Variants in CDH18 observed in about 807,000 individuals in gnomAD.
The protein encoded by CDH18 is cadherin 18.
CDH18 carries 31 observed loss-of-function variants against 67.9 expected under a neutral mutation model. The ratio of observed to expected loss-of-function variants is 0.46; its 90% CI spans 0.34 to 0.62. The LOEUF is 0.62. CDH18 is among the 20% of genes least tolerant of loss of function. The probability of loss-of-function intolerance (pLI) is 0.01; values close to 1 mark genes in which losing one functional copy is unlikely to be tolerated. For synonymous variants in CDH18, 362 were observed against 347.2 expected, an observed-to-expected ratio of 1.04 and a Z score of -0.48; for missense variants, 890 against 975.5, an observed-to-expected ratio of 0.91 and a Z score of 1.17.
At chr5:19,634,730 G>T (rs1299446559) in intron 5 of CDH18, among the ~76,000 whole-genome samples, 1 of 151,970 alleles carries the variant, frequency 6.6e-6, no homozygotes, top group Non-Finnish European at 1.5e-5. Context: ...CTGAGGTTGG[G>T]AGTTCGAGAC....
At chr5:19,649,851 A>T (rs1260473461) in intron 5 of CDH18, among the ~76,000 whole-genome samples, 1 of 151,752 alleles carries the variant, frequency 6.6e-6, no homozygotes, top group East Asian at 1.9e-4. Context: ...CTTTTTTTCT[A>T]CAGAATGGGT....
At chr5:20,535,378 C>T (rs1756653642) in intron 1 of CDH18, among the ~76,000 whole-genome samples, 1 of 152,022 alleles carries the variant, frequency 6.6e-6, no homozygotes, top group Admixed American at 6.6e-5. Flanking sequence ...CCCTCTGTTG[C>T]CCAATCTCTG....
intron 2 of CDH18, among the ~76,000 whole-genome samples, chr5:19,977,665 A>G (rs1798624766): frequency 6.6e-6 from 1 of 151,948 alleles, no homozygotes; most frequent in Non-Finnish European, 1.5e-5. Context: ...TATTAGCCAA[A>G]TTTAATTAAT....
At chr5:19,544,869 A>G (rs919422704) in intron 8 of CDH18, among the ~76,000 whole-genome samples, 1 of 152,190 alleles carries the variant, frequency 6.6e-6, no homozygotes, top group Admixed American at 6.5e-5. Context: ...AAATGTGCAG[A>G]TGCACGATGG....
intron 8 of CDH18, among the ~76,000 whole-genome samples, chr5:19,556,272 A>G (rs1157862324): frequency 6.6e-6 from 1 of 152,200 alleles, no homozygotes; most frequent in Non-Finnish European, 1.5e-5. Flanking sequence ...AACCAAGACT[A>G]AATCTCTGAA....
intron 2 of CDH18, among the ~76,000 whole-genome samples, chr5:20,219,901 T>C (rs1003853340): frequency 2.6e-5 from 4 of 151,898 alleles, no homozygotes; most frequent in African/African-American, 9.7e-5. Context: ...ATAAAATGTC[T>C]AACAACAAAC....
intron 1 of CDH18, among the ~76,000 whole-genome samples, chr5:20,458,106 CTTTTT>C (rs998181632): frequency 6.6e-6 from 1 of 151,826 alleles, no homozygotes; most frequent in African/African-American, 2.4e-5. Context: ...TTTTGTTTTG[CTTTTT>C]TGTTTTATTT....
intron 2 of CDH18, among the ~76,000 whole-genome samples, chr5:20,042,790 C>T (rs994565823): frequency 6.6e-6 from 1 of 151,852 alleles, no homozygotes; most frequent in Admixed American, 6.6e-5. Flanking sequence ...AGTGTAACAC[C>T]GTCTCTACTA....
intron 8 of CDH18, among the ~76,000 whole-genome samples, chr5:19,568,460 C>G (rs1268090220): frequency 6.6e-6 from 1 of 152,118 alleles, no homozygotes; most frequent in South Asian, 2.1e-4. Flanking sequence ...CACAACCCGA[C>G]AATTCTGGCA....
chr5:20,475,249 T>C (rs73767539), intron 1 of CDH18, among the ~76,000 whole-genome samples: 8,341 of 152,264 alleles, frequency 0.055, 760 homozygotes, highest in African/African-American at 0.19. Context: ...GCATTATTTA[T>C]GCATGATTCA....
At chr5:19,738,061 T>C (rs1388954010) in intron 4 of CDH18, among the ~76,000 whole-genome samples, 1 of 152,162 alleles carries the variant, frequency 6.6e-6, no homozygotes, top group Non-Finnish European at 1.5e-5. Flanking sequence ...CATTTAAGAA[T>C]AGCTCTGTCT....
In CDH18 at chr5:20,313,062, C is replaced by T. The variant is rs143481228; in HGVS notation, c.-579-57557G>A. On this transcript the variant is annotated intron_variant, in intron 1 of 14. Coordinates refer to the CDH18 transcript ENST00000507958. ...GTTATAGTTACACATGCAATGGATA[C>T]GCTCTTGGTAAATAACAAGGATAAA... is the stretch of plus-strand genomic sequence containing the variant. 1.1e-3 allele frequency among the ~76,000 whole-genome samples: 171 copies of T among 152,120 alleles called. 2 individuals are homozygous for T. Among genetic ancestry groups the T allele is most frequent in the African/African-American group, 3.7e-3 (155 of 41,524 alleles).
At chr5:19,548,595 A>G (rs189533433) in intron 8 of CDH18, among the ~76,000 whole-genome samples, 135 of 152,176 alleles carry the variant, frequency 8.9e-4, no homozygotes, top group African/African-American at 3.2e-3. Flanking sequence ...TTAGTTCATT[A>G]AACACTCATA....
intron 1 of CDH18, among the ~76,000 whole-genome samples, chr5:20,403,218 T>G (rs1217082220): frequency 6.6e-6 from 1 of 152,186 alleles, no homozygotes; most frequent in Non-Finnish European, 1.5e-5. Context: ...GTTTTCAATT[T>G]ACATTGTCCA....
intron 1 of CDH18, among the ~76,000 whole-genome samples, chr5:20,473,114 T>C (rs989836593): frequency 6.6e-6 from 1 of 152,130 alleles, no homozygotes; most frequent in African/African-American, 2.4e-5. Flanking sequence ...CTATAAATGA[T>C]GAGTTTTAAA....
At chr5:19,900,353 C>T (rs1013909897) in intron 2 of CDH18, among the ~76,000 whole-genome samples, 6 of 151,922 alleles carry the variant, frequency 3.9e-5, no homozygotes, top group African/African-American at 9.7e-5. Context: ...TTAACAATAG[C>T]GTATATTTTA....
intron 1 of CDH18, among the ~76,000 whole-genome samples, chr5:20,312,104 G>A (rs1168885615): frequency 6.6e-6 from 1 of 152,068 alleles, no homozygotes; most frequent in Non-Finnish European, 1.5e-5. Flanking sequence ...TTTTCCCTCT[G>A]TCACAGCAAC....
chr5:19,535,964 A>C (rs1292959092), intron 9 of CDH18, among the ~76,000 whole-genome samples: 1 of 152,226 alleles, frequency 6.6e-6, no homozygotes, highest in Non-Finnish European at 1.5e-5. Flanking sequence ...AAGGTTAAAT[A>C]GGATATTTGC....
chr5:20,314,678 A>T (rs896169519), intron 1 of CDH18, among the ~76,000 whole-genome samples: 6 of 152,112 alleles, frequency 3.9e-5, no homozygotes, highest in African/African-American at 1.4e-4. Context: ...GGGAATATTA[A>T]GAAATATGTG....
Sources: gnomAD v4.1 joint callset for allele counts (sites outside exome capture counted in the v4.1 genomes callset) on GRCh38, gnomAD v4.1.1 for gene constraint, MANE v1.5 for transcripts, NCBI Gene and HGNC (gene_info 2026-07-23, HGNC 2026-07-21) for gene names.